Variants in CHL1 observed in about 807,000 individuals in gnomAD.
The protein encoded by CHL1 is cell adhesion molecule L1 like, also known as neural cell adhesion molecule L1-like protein.
In CHL1, 96 loss-of-function variants were observed where a neutral mutation model predicts 141.9. The ratio of observed to expected loss-of-function variants is 0.68; its 90% CI spans 0.57 to 0.80. The LOEUF (loss-of-function observed/expected upper bound fraction) is 0.80. CHL1 is among the 30% of genes least tolerant of loss of function. CHL1 has a pLI of 0.00. For synonymous variants in CHL1, 613 were observed against 502.2 expected, an observed-to-expected ratio of 1.22 and a Z score of -2.95; for missense variants, 1,820 against 1,457.2, an observed-to-expected ratio of 1.25 and a Z score of -4.05.
chr3:374,760 G>C (rs1340098058), intron 15 of CHL1, among the ~76,000 whole-genome samples: 1 of 152,166 alleles, frequency 6.6e-6, no homozygotes, highest in Non-Finnish European at 1.5e-5. Flanking sequence ...GGCATGCACG[G>C]TGATATAGCA....
At chr3:229,487 C>G (rs187128354) in intron 1 of CHL1, among the ~76,000 whole-genome samples, 10 of 152,308 alleles carry the variant, frequency 6.6e-5, no homozygotes, top group African/African-American at 2.2e-4. Context: ...CTACATTCCT[C>G]AAACCAAAAG....
At chr3:359,337 T>A (rs1703999968) in intron 11 of CHL1, among the ~76,000 whole-genome samples, 1 of 152,012 alleles carries the variant, frequency 6.6e-6, no homozygotes, top group African/African-American at 2.4e-5. Flanking sequence ...AAAGTCTCTC[T>A]CCATCACCCA....
At chr3:347,134 T>C (rs1702834645) in intron 9 of CHL1, among the ~76,000 whole-genome samples, 1 of 152,020 alleles carries the variant, frequency 6.6e-6, no homozygotes, top group African/African-American at 2.4e-5. Flanking sequence ...AAAATGGCCA[T>C]AGATGGACTC....
intron 2 of CHL1, among the ~76,000 whole-genome samples, chr3:269,601 G>C (rs971728663): frequency 1.3e-5 from 2 of 152,070 alleles, no homozygotes; most frequent in African/African-American, 2.4e-5. Context: ...TCTTGGCTCA[G>C]TGCAACCTCT....
At chr3:307,386 C>G (rs1013754030) in intron 2 of CHL1, among the ~76,000 whole-genome samples, 56 of 152,178 alleles carry the variant, frequency 3.7e-4, no homozygotes, top group Non-Finnish European at 7.9e-4. Context: ...GGAGTCCCAG[C>G]TGTTAAACCT....
intron 1 of CHL1, among the ~76,000 whole-genome samples, chr3:216,278 G>C (rs1270921686): frequency 6.6e-6 from 1 of 152,248 alleles, no homozygotes; most frequent in East Asian, 1.9e-4. Context: ...ATATCTTTAA[G>C]GGTGTTTAAC....
chr3:396,291 T>C (rs1265091718), intron 24 of CHL1, among the ~76,000 whole-genome samples: 1 of 152,168 alleles, frequency 6.6e-6, no homozygotes, highest in Non-Finnish European at 1.5e-5. Flanking sequence ...AAGTGTCCAA[T>C]ACAAAGAGAA....
intron 1 of CHL1, among the ~76,000 whole-genome samples, chr3:221,663 C>T (rs924942135): frequency 6.6e-6 from 1 of 152,236 alleles, no homozygotes; most frequent in Non-Finnish European, 1.5e-5. Context: ...TATGCATCAA[C>T]AGTACTTGGC....
intron 4 of CHL1, among the ~76,000 whole-genome samples, chr3:327,383 T>C (rs1302245469): frequency 1.3e-5 from 2 of 151,906 alleles, no homozygotes; most frequent in East Asian, 3.9e-4. Flanking sequence ...TTCATAGAAC[T>C]GACACTCTAG....
chr3:352,963 A>G (rs1041563951), intron 10 of CHL1, among the ~76,000 whole-genome samples: 15 of 152,294 alleles, frequency 9.8e-5, no homozygotes, highest in African/African-American at 2.6e-4. Context: ...CTGCTCATCC[A>G]TAGTTGCTGT....
intron 13 of CHL1, among the ~76,000 whole-genome samples, chr3:362,438 T>C (rs895073263): frequency 6.6e-6 from 1 of 152,148 alleles, no homozygotes; most frequent in African/African-American, 2.4e-5. Flanking sequence ...GATACGTATT[T>C]TGTTCATCGT....
Position 325,625 on chromosome 3 carries a change from T to C in CHL1, c.92-334T>C, listed in dbSNP as rs149944163. On this transcript the variant is annotated intron_variant, in intron 3 of 27. Transcript: ENST00000256509. ...TGACTGAACTAAGTAAAAATGCATA[T>C]GCATGCTAACATAGATTGAATGCCA... Among the ~76,000 whole-genome samples the C allele has an allele frequency of 6.8e-3, 1,041 of 152,190 alleles. 13 individuals carry two copies. The highest frequency in any genetic ancestry group is 0.023 in the African/African-American group (972 of 41,564).
chr3:289,592 C>G (rs1037916036), intron 2 of CHL1, among the ~76,000 whole-genome samples: 5 of 152,076 alleles, frequency 3.3e-5, no homozygotes, highest in South Asian at 2.1e-4. Flanking sequence ...GGTTCCTGCA[C>G]GACTCTGGCC....
chr3:359,868 C>T (rs910016119), intron 11 of CHL1, among the ~76,000 whole-genome samples: 6 of 152,184 alleles, frequency 3.9e-5, no homozygotes, highest in African/African-American at 1.4e-4. Flanking sequence ...GGGAAAATAG[C>T]AGCCAGTACT....
At chr3:197,206 G>C (rs1466990443) in intron 1 of CHL1, 143 bp downstream of exon 1, 1 of 152,534 alleles carries the variant, frequency 6.6e-6, no homozygotes, top group African/African-American at 2.4e-5. Context: ...CTCGTCCGCA[G>C]TGGGGGTGGT....
chr3:279,687 A>C (rs1173211145), intron 2 of CHL1, among the ~76,000 whole-genome samples: 1 of 152,320 alleles, frequency 6.6e-6, no homozygotes, highest in East Asian at 1.9e-4. Flanking sequence ...AGGATAGTAT[A>C]GTTGGAATGA....
At chr3:341,695 A>G (rs924249800) in intron 6 of CHL1, among the ~76,000 whole-genome samples, 1 of 152,134 alleles carries the variant, frequency 6.6e-6, no homozygotes, top group Non-Finnish European at 1.5e-5. Context: ...TCTTTGGTTA[A>G]TGGTAAAAAG....
chr3:324,682 A>T (rs955132347), intron 3 of CHL1, among the ~76,000 whole-genome samples: 33 of 151,702 alleles, frequency 2.2e-4, no homozygotes, highest in Non-Finnish European at 7.4e-5. Flanking sequence ...TCTGTCACCC[A>T]GGCTCAAGCG....
intron 7 of CHL1, 70 bp downstream of exon 7, chr3:342,152 T>A: frequency 7.1e-7 from 1 of 1,403,128 alleles, no homozygotes; most frequent in Middle Eastern, 2.0e-4. Context: ...TCCTTCTGGC[T>A]GAAGCCATTT....
Sources: gnomAD v4.1 joint callset for allele counts (sites outside exome capture counted in the v4.1 genomes callset) on GRCh38, gnomAD v4.1.1 for gene constraint, MANE v1.5 for transcripts, NCBI Gene and HGNC (gene_info 2026-07-23, HGNC 2026-07-21) for gene names.